LITAFD: variants seen among roughly 807,000 people sequenced by gnomAD.
LITAFD encodes LITAF domain containing, also known as lITAF domain-containing protein.
intron 2 of LITAFD, among the ~76,000 whole-genome samples, chr16:8,883,794 G>A (rs531307378): frequency 6.6e-6 from 1 of 152,356 alleles, no homozygotes; most frequent in East Asian, 1.9e-4. Context: ...GTCAGGTGCG[G>A]TGGCTCAGGC....
chr16:8,883,903 A>G (rs1173312788), intron 2 of LITAFD, among the ~76,000 whole-genome samples: 1 of 152,146 alleles, frequency 6.6e-6, no homozygotes, highest in Non-Finnish European at 1.5e-5. Flanking sequence ...CATCTCTACT[A>G]AAAATACAAA....
At chr16:8,884,808 G>C (rs1479858314) in intron 3 of LITAFD, among the ~76,000 whole-genome samples, 1 of 152,200 alleles carries the variant, frequency 6.6e-6, no homozygotes, top group Non-Finnish European at 1.5e-5. Context: ...AGAGGGGCCA[G>C]GCGCGGTGAC....
exon 4 of LITAFD, chr16:8,885,220 C>T: frequency 2.5e-6 from 1 of 399,196 alleles, no homozygotes; most frequent in Non-Finnish European, 4.4e-6. Context: ...TGGCATTCTG[C>T]ATAAGGAGCC....
chr16:8,885,214 A>G, exon 4 of LITAFD: 1 of 399,144 alleles, frequency 2.5e-6, no homozygotes, highest in Non-Finnish European at 4.4e-6. Flanking sequence ...GCTTCCTGGC[A>G]TTCTGCATAA....
At chr16:8,883,847 A>G (rs1223507389) in intron 2 of LITAFD, among the ~76,000 whole-genome samples, 2 of 152,114 alleles carry the variant, frequency 1.3e-5, no homozygotes, top group Non-Finnish European at 2.9e-5. Flanking sequence ...GGTGGATCGC[A>G]TGAGGTCAGG....
intron 1 of LITAFD, 43 bp from the exon 2 acceptor site, chr16:8,883,167 G>A (rs1038611642): frequency 6.6e-6 from 1 of 152,204 alleles, no homozygotes; most frequent in African/African-American, 2.4e-5. Flanking sequence ...GGCATACAGT[G>A]AGCCCACTGA....
intron 1 of LITAFD, among the ~76,000 whole-genome samples, 187 bp from the exon 2 acceptor site, chr16:8,883,023 A>G (rs996385553): frequency 1.3e-5 from 2 of 151,646 alleles, no homozygotes; most frequent in Non-Finnish European, 2.9e-5. Flanking sequence ...TGTAGTTGAG[A>G]TGGGGTTTCA....
chr16:8,884,437 C>A, exon 3 of LITAFD: 1 of 383,260 alleles, frequency 2.6e-6, no homozygotes. Context: ...CCTCACCTGG[C>A]TGCTGTGTAC....
intron 3 of LITAFD, among the ~76,000 whole-genome samples, chr16:8,884,782 G>A (rs2061557762): frequency 1.3e-5 from 2 of 152,160 alleles, no homozygotes; most frequent in Admixed American, 1.3e-4. Flanking sequence ...CTCAGCTGTG[G>A]AGTTTTGAAA....
chr16:8,885,184 C>T lies in LITAFD; in HGVS notation c.111-3C>T, dbSNP rs957404788. On this transcript the variant is annotated splice_polypyrimidine_tract_variant and splice_region_variant and intron_variant, in intron 3 of 3. Coordinates refer to ENST00000636296, the Ensembl canonical transcript of LITAFD. ...ACGCCCAGCCTCCGCTCCGGGGCTG[C>T]AGGTACGTCCTGGGCTGCTGCTTCC... 7.5e-6 allele frequency: 3 copies of T among 399,208 alleles called. No individual in the cohort carries two copies. Among genetic ancestry groups the T allele is most frequent in the African/African-American group, 6.2e-5 (3 of 48,634 alleles). The allele number at this position is 399,208 out of a possible 1,614,324, so 24.7% of individuals were successfully genotyped here.
In LITAFD at chr16:8,884,304, C is replaced by T. The variant is rs528849182; in HGVS notation, c.-33-19C>T. 1.8e-4 allele frequency: 72 copies of T among 399,086 alleles called. No individual in the cohort carries two copies. Among genetic ancestry groups the T allele is most frequent in the African/African-American group, 1.3e-3 (64 of 48,760 alleles). The allele number at this position is 399,086 out of a possible 1,614,324, so 24.7% of individuals were successfully genotyped here. On this transcript the variant is annotated intron_variant, in intron 2 of 3. Coordinates refer to ENST00000636296, the Ensembl canonical transcript of LITAFD. The stretch of plus-strand genomic sequence containing the variant: ...GGCCCCGGGGGGTCCCACCTGCTTC[C>T]CGCTTCCCACTCCCACAGCTGTATG...
intron 1 of LITAFD, chr16:8,882,861 C>G (rs2061547761): frequency 6.6e-6 from 1 of 152,278 alleles, no homozygotes; most frequent in Non-Finnish European, 1.5e-5. Flanking sequence ...CAGAGGCTGT[C>G]CTGGCCCTGG....
chr16:8,885,189 A>AGGTG lies in LITAFD; in HGVS notation c.113_114insGGTG (p.Tyr38Ter). ...CAGCCTCCGCTCCGGGGCTGCAGGT[A>AGGTG]CGTCCTGGGCTGCTGCTTCCTGGCA... On this transcript the variant is annotated stop_gained and frameshift_variant, in exon 4 of 4. Coordinates refer to ENST00000636296, the Ensembl canonical transcript of LITAFD. LOFTEE classifies it low-confidence loss of function (END_TRUNC). 2.5e-6 allele frequency: 1 copy of AGGTG among 399,170 alleles called. No homozygotes were observed. The highest frequency in any genetic ancestry group is 4.4e-6 in the Non-Finnish European group (1 of 226,258). The allele number at this position is 399,170 out of a possible 1,614,324, so 24.7% of individuals were successfully genotyped here.
At chr16:8,884,242 C>T (rs576223862) in intron 2 of LITAFD, 81 bp from the exon 3 acceptor site, 84 of 397,274 alleles carry the variant, frequency 2.1e-4, no homozygotes, top group Middle Eastern at 1.9e-3. Context: ...AGGTGAGCAC[C>T]GACAGCCCAT....
At chr16:8,884,036 G>A (rs1007910973) in intron 2 of LITAFD, among the ~76,000 whole-genome samples, 1 of 152,192 alleles carries the variant, frequency 6.6e-6, no homozygotes. Context: ...CTGCACTCCA[G>A]CCTGGACGAC....
exon 3 of LITAFD, chr16:8,884,391 C>G (rs2061555387): frequency 2.5e-6 from 1 of 399,072 alleles, no homozygotes; most frequent in African/African-American, 2.1e-5. Flanking sequence ...ACTGTGGAAA[C>G]CGCATCATCA....
chr16:8,883,721 G>C (rs772522066), intron 2 of LITAFD, among the ~76,000 whole-genome samples: 2 of 152,174 alleles, frequency 1.3e-5, no homozygotes, highest in African/African-American at 2.4e-5. Flanking sequence ...CAGAACTGCT[G>C]GGTTGGATAG....
chr16:8,884,379 C>T (rs2061555274), exon 3 of LITAFD: 1 of 399,218 alleles, frequency 2.5e-6, no homozygotes, highest in Non-Finnish European at 4.4e-6. Context: ...CCGTGTGTCC[C>T]TACTGTGGAA....
chr16:8,884,352 G>A (rs527975681), exon 3 of LITAFD: 11 of 399,156 alleles, frequency 2.8e-5, no homozygotes, highest in African/African-American at 1.8e-4. Context: ...TGGTGGGGAC[G>A]TCCATGCCGG....
Sources: gnomAD v4.1 joint callset for allele counts (sites outside exome capture counted in the v4.1 genomes callset) on GRCh38, gnomAD v4.1.1 for gene constraint, MANE v1.5 for transcripts, NCBI Gene and HGNC (gene_info 2026-07-23, HGNC 2026-07-21) for gene names.